Variants in IGSF3 observed in about 807,000 individuals in gnomAD.
The protein encoded by IGSF3 is glu-Trp-Ile EWI motif-containing protein 3.
A neutral mutation model predicts 114.4 loss-of-function variants in IGSF3; 23 were observed. The ratio of observed to expected loss-of-function variants is 0.20; its 90% CI spans 0.14 to 0.28. IGSF3 has a LOEUF of 0.28. Ranked by LOEUF, IGSF3 falls within the 10% of genes least tolerant of loss-of-function variation. The pLI, the probability that IGSF3 is intolerant of heterozygous loss-of-function variation, is 1.00. For synonymous variants in IGSF3, 571 were observed against 645.2 expected, an observed-to-expected ratio of 0.88 and a Z score of 1.74; for missense variants, 1,172 against 1,591.5, an observed-to-expected ratio of 0.74 and a Z score of 4.48.
intron 2 of IGSF3, among the ~76,000 whole-genome samples, chr1:116,631,622 C>A (rs1456397869): frequency 6.6e-6 from 1 of 152,154 alleles, no homozygotes; most frequent in East Asian, 1.9e-4. Flanking sequence ...TGGGGATATC[C>A]AGGTAGCTGT....
chr1:116,627,305 T>C lies in IGSF3; in HGVS notation c.44-10848A>G, dbSNP rs1358000969. Among the ~76,000 whole-genome samples the C allele has an allele frequency of 6.6e-6, 1 of 152,200 alleles. No individual in the cohort carries two copies. The highest frequency in any genetic ancestry group is 1.5e-5 in the Non-Finnish European group (1 of 68,038). On this transcript the variant is annotated intron_variant, in intron 2 of 10. Transcript: ENST00000369486. This position sits in a 1 kb window ranked among gnomAD's most constrained non-coding sequence, Gnocchi z 4.7. Reference sequence around the variant, plus strand: ...TTCACAGCAATTACTGTTGCTATTATTTTACGCTTCATTTCTGGACCTAGG... The same window carrying C: ...TTCACAGCAATTACTGTTGCTATTACTTTACGCTTCATTTCTGGACCTAGG...
In IGSF3 at chr1:116,650,294, C is replaced by T. The variant is rs889486702; in HGVS notation, c.43+15990G>A. 1.3e-5 allele frequency among the ~76,000 whole-genome samples: 2 copies of T among 152,178 alleles called. No homozygotes were observed. The highest frequency in any genetic ancestry group is 4.8e-5 in the African/African-American group (2 of 41,452). ...CCTCAGGGTTTTTCCCATCTCTTCC[C>T]GTCTGCTGGCCTCAACAAACCTGCT... is the stretch of plus-strand genomic sequence containing the variant. On this transcript the variant is annotated intron_variant, in intron 2 of 10. Transcript: ENST00000369486. The surrounding 1 kb of genome is among the most constrained non-coding windows in gnomAD (Gnocchi z 5.0).
chr1:116,605,348 A>G lies in IGSF3; in HGVS notation c.1223-1323T>C, dbSNP rs1004590148. 2.0e-5 allele frequency among the ~76,000 whole-genome samples: 3 copies of G among 151,940 alleles called. No individual in the cohort carries two copies. Among genetic ancestry groups the G allele is most frequent in the African/African-American group, 4.8e-5 (2 of 41,346 alleles). On this transcript the variant is annotated intron_variant, in intron 5 of 10. Coordinates refer to ENST00000369486, the MANE Select transcript of IGSF3 (RefSeq NM_001007237.3). This position sits in a 1 kb window ranked among gnomAD's most constrained non-coding sequence, Gnocchi z 5.1. ...ACAAAGACGAGCACTGAGCCTCCAC[A>G]TGTAGCTCTTATTATAGTGAGGATG...
Position 116,657,900 on chromosome 1 carries a change from G to T in IGSF3, c.43+8384C>A, listed in dbSNP as rs559724382. ...ACATCAAAGAAAGAACACACAACTG[G>T]TATCAGATTTTTTTTTCTGTTTTAA... On this transcript the variant is annotated intron_variant, in intron 2 of 10. Transcript: ENST00000369486. This position sits in a 1 kb window ranked among gnomAD's most constrained non-coding sequence, Gnocchi z 4.2. Among the ~76,000 whole-genome samples the T allele has an allele frequency of 1.3e-5, 2 of 152,192 alleles. No homozygotes were observed. The highest frequency in any genetic ancestry group is 4.2e-4 in the South Asian group (2 of 4,816).
rs1055148441 is a variant in IGSF3, at chr1:116,618,721, T to C, written c.44-2264A>G. Among the ~76,000 whole-genome samples the C allele has an allele frequency of 6.6e-6, 1 of 152,196 alleles. No homozygotes were observed. Among genetic ancestry groups the C allele is most frequent in the Non-Finnish European group, 1.5e-5 (1 of 68,030 alleles). The stretch of plus-strand genomic sequence containing the variant: ...CCATGACTGTATACACACACAAATA[T>C]GGTGACATTTTAATCAAATGATTGC... On this transcript the variant is annotated intron_variant, in intron 2 of 10. Coordinates refer to ENST00000369486, the MANE Select transcript of IGSF3 (RefSeq NM_001007237.3). This position sits in a 1 kb window ranked among gnomAD's most constrained non-coding sequence, Gnocchi z 4.7.
chr1:116,642,209 T>C lies in IGSF3; in HGVS notation c.43+24075A>G, dbSNP rs1648138644. On this transcript the variant is annotated intron_variant, in intron 2 of 10. Coordinates refer to ENST00000369486, the MANE Select transcript of IGSF3 (RefSeq NM_001007237.3). The surrounding 1 kb of genome is among the most constrained non-coding windows in gnomAD (Gnocchi z 5.4). ...CACCTCGCATCTGATTTTTGATTTT[T>C]AACATGTGCATGGATTACCTCTTAT... 6.6e-6 allele frequency among the ~76,000 whole-genome samples: 1 copy of C among 152,184 alleles called. No homozygotes were observed. Among genetic ancestry groups the C allele is most frequent in the South Asian group, 2.1e-4 (1 of 4,828 alleles).
At chr1:116,623,070 G>A (rs942529956) in intron 2 of IGSF3, among the ~76,000 whole-genome samples, 2 of 152,252 alleles carry the variant, frequency 1.3e-5, no homozygotes, top group African/African-American at 2.4e-5. Flanking sequence ...CACTTCCACA[G>A]GCACATCGGT....
rs1251653719 is a variant in IGSF3, at chr1:116,647,450, G to A, written c.43+18834C>T. ...GTCTACAGCCAATCAGCTGACCGGG[G>A]TGGCAACCCCTGGCTCTGCTCAACA... On this transcript the variant is annotated intron_variant, in intron 2 of 10. Transcript: ENST00000369486. This position sits in a 1 kb window ranked among gnomAD's most constrained non-coding sequence, Gnocchi z 4.6. 1.3e-5 allele frequency among the ~76,000 whole-genome samples: 2 copies of A among 152,228 alleles called. No individual in the cohort carries two copies. The highest frequency in any genetic ancestry group is 1.5e-5 in the Non-Finnish European group (1 of 68,048).
At chr1:116,641,591 C>T (rs1190167298) in intron 2 of IGSF3, among the ~76,000 whole-genome samples, 1 of 148,910 alleles carries the variant, frequency 6.7e-6, no homozygotes, top group African/African-American at 2.5e-5. Flanking sequence ...GAAGGAAATG[C>T]CATAAAGCAT....
At chr1:116,659,340 G>A (rs1557888602) in intron 2 of IGSF3, among the ~76,000 whole-genome samples, 1 of 152,160 alleles carries the variant, frequency 6.6e-6, no homozygotes, top group Admixed American at 6.5e-5. Context: ...CATGGTCTTT[G>A]TTAAGTGCCT....
rs1186683637 is a variant in IGSF3, at chr1:116,648,378, T to C, written c.43+17906A>G. On this transcript the variant is annotated intron_variant, in intron 2 of 10. Coordinates refer to ENST00000369486, the MANE Select transcript of IGSF3 (RefSeq NM_001007237.3). This position sits in a 1 kb window ranked among gnomAD's most constrained non-coding sequence, Gnocchi z 4.7. The stretch of plus-strand genomic sequence containing the variant: ...GTGTTCGGTTAGAGAAGAAACAGGA[T>C]GCACGGGAGATCACACACAGAGTAA... Among the ~76,000 whole-genome samples the C allele has an allele frequency of 1.3e-5, 2 of 152,140 alleles. No individual in the cohort carries two copies. Among genetic ancestry groups the C allele is most frequent in the African/African-American group, 2.4e-5 (1 of 41,434 alleles).
rs531772307 is a variant in IGSF3, at chr1:116,605,153, T to A, written c.1223-1128A>T. ...CACAAAGTAACTAATTTGGCTCCAA[T>A]TTTTGGGTACCACCCACATTAAATA... On this transcript the variant is annotated intron_variant, in intron 5 of 10. Transcript: ENST00000369486. This position sits in a 1 kb window ranked among gnomAD's most constrained non-coding sequence, Gnocchi z 5.1. Among the ~76,000 whole-genome samples, 264 of 151,956 alleles carry A rather than the reference T, an allele frequency of 1.7e-3. No homozygotes were observed. Among genetic ancestry groups the A allele is most frequent in the African/African-American group, 6.3e-3 (260 of 41,514 alleles).
At position 116,577,122 on chromosome 1, in the gene IGSF3, C is replaced by A; in HGVS notation, c.*190G>T. 1.7e-6 allele frequency: 1 copy of A among 605,526 alleles called. No individual in the cohort carries two copies. Among genetic ancestry groups the A allele is most frequent in the Non-Finnish European group, 2.9e-6 (1 of 347,974 alleles). The allele number at this position is 605,526 out of a possible 1,614,324, so 37.5% of individuals were successfully genotyped here. On this transcript the variant is annotated 3_prime_UTR_variant, in exon 11 of 11. Coordinates refer to ENST00000369486, the MANE Select transcript of IGSF3 (RefSeq NM_001007237.3). The surrounding 1 kb of genome is among the most constrained non-coding windows in gnomAD (Gnocchi z 5.7). ...GATCACAACATTTGCGCGCAAATAGCTAACCAACCAAGACTGCCACCGAGA... is the reference window on the plus strand; with the variant it reads ...GATCACAACATTTGCGCGCAAATAGATAACCAACCAAGACTGCCACCGAGA...
intron 2 of IGSF3, among the ~76,000 whole-genome samples, chr1:116,641,019 C>A (rs887289159): frequency 6.6e-6 from 1 of 152,154 alleles, no homozygotes. Context: ...TTTTCATTAA[C>A]ACGTGGGAAT....
At chr1:116,626,396 A>G (rs1647282845) in intron 2 of IGSF3, among the ~76,000 whole-genome samples, 1 of 152,176 alleles carries the variant, frequency 6.6e-6, no homozygotes, top group African/African-American at 2.4e-5. Context: ...GAGATCAAAT[A>G]TAGTTCCCAT....
chr1:116,599,906 C>T lies in IGSF3; in HGVS notation c.2029+35G>A, dbSNP rs745772768. Reference sequence around the variant, plus strand: ...TTTTCCCTCACGTCTGCTCAGGCAGCATGGGCACATAGCCCACAGGTCCGC... The same window carrying T: ...TTTTCCCTCACGTCTGCTCAGGCAGTATGGGCACATAGCCCACAGGTCCGC... On this transcript the variant is annotated intron_variant, in intron 7 of 10. Coordinates refer to ENST00000369486, the MANE Select transcript of IGSF3 (RefSeq NM_001007237.3). The T allele has an allele frequency of 1.7e-5, 27 of 1,582,190 alleles. No individual in the cohort carries two copies. In the Admixed American group the frequency reaches 3.7e-4, roughly 22 times the overall value.
In IGSF3 at chr1:116,579,626, G is replaced by C; in HGVS notation, c.3100C>G (p.Leu1034Val). The C allele has an allele frequency of 6.2e-7, 1 of 1,613,980 alleles. No homozygotes were observed. The highest frequency in any genetic ancestry group is 8.5e-7 in the Non-Finnish European group (1 of 1,179,966). ...AAGACAGCATCTGGGCCCACGCTCA[G>C]CAGGGCCGTCCGCTCTGTTGGGTCG... Reference protein sequence around the residue: ...DDDPTERTALLSVGPDAVFGP... With the variant: ...DDDPTERTALVSVGPDAVFGP... The change falls in exon 10 of 11, where the codon CTG becomes GTG. Residue 1034 changes from leucine to valine, a missense_variant. Physicochemically the swap from Leu to Val is conservative, Grantham distance 32. Transcript: ENST00000369486. This position sits in a 1 kb window ranked among gnomAD's most constrained non-coding sequence, Gnocchi z 6.4.
rs113521681 is a variant in IGSF3 at position 116,615,135 on chromosome 1, A to T, written c.421+945T>A. ...ACTAAAAATACAAAATTAGCCAGGC[A>T]TGGTAGTGCATGCCTGTAATCCCAG... On this transcript the variant is annotated intron_variant, in intron 3 of 10. Transcript: ENST00000369486. The surrounding 1 kb of genome is among the most constrained non-coding windows in gnomAD (Gnocchi z 4.3). Among the ~76,000 whole-genome samples the T allele has an allele frequency of 6.6e-6, 1 of 152,090 alleles. No homozygotes were observed. The highest frequency in any genetic ancestry group is 1.5e-5 in the Non-Finnish European group (1 of 68,004).
At chr1:116,621,675 T>C (rs1661425426) in intron 2 of IGSF3, among the ~76,000 whole-genome samples, 1 of 152,190 alleles carries the variant, frequency 6.6e-6, no homozygotes, top group Non-Finnish European at 1.5e-5. Context: ...CAAAATTGTG[T>C]TACATACACA....
Sources: gnomAD v4.1 joint callset for allele counts (sites outside exome capture counted in the v4.1 genomes callset) on GRCh38, gnomAD v4.1.1 for gene constraint, Gnocchi (gnomAD v3.1) non-coding constraint, MANE v1.5 for transcripts, NCBI Gene and HGNC (gene_info 2026-07-23, HGNC 2026-07-21) for gene names.